PTPRJ: variants seen among roughly 807,000 people sequenced by gnomAD.
The protein encoded by PTPRJ is protein tyrosine phosphatase receptor type J, also known as receptor-type tyrosine-protein phosphatase eta.
Under a neutral mutation model 141.3 loss-of-function variants are expected in PTPRJ, and 129 were observed. The ratio of observed to expected loss-of-function variants is 0.91; its 90% CI spans 0.79 to 1.06. The LOEUF (loss-of-function observed/expected upper bound fraction) is 1.06, where lower values mean the gene tolerates loss of function less well. PTPRJ is among the 50% of genes least tolerant of loss of function. The pLI is 0.00. For missense variants in PTPRJ, 1,601 were observed against 1,679.7 expected, an observed-to-expected ratio of 0.95 and a Z score of 0.82; for synonymous variants, 610 against 640.5, an observed-to-expected ratio of 0.95 and a Z score of 0.72.
intron 15 of PTPRJ, among the ~76,000 whole-genome samples, chr11:48,147,212 T>C (rs138451880): frequency 3.5e-4 from 53 of 152,322 alleles, no homozygotes; most frequent in African/African-American, 1.1e-3. Flanking sequence ...TCAAATGATA[T>C]GTTCTTGTTT....
chr11:48,090,508 A>G (rs552855670), intron 1 of PTPRJ, among the ~76,000 whole-genome samples: 1 of 152,334 alleles, frequency 6.6e-6, no homozygotes, highest in South Asian at 2.1e-4. Flanking sequence ...CTTCAGAGAC[A>G]GATCCGTGCA....
chr11:48,045,555 C>T (rs528322876), intron 1 of PTPRJ, among the ~76,000 whole-genome samples: 1 of 152,210 alleles, frequency 6.6e-6, no homozygotes, highest in East Asian at 1.9e-4. Context: ...GCTTGTCTTT[C>T]CAGAGTTTGG....
At position 48,022,904 on chromosome 11, in the gene PTPRJ, G is replaced by A. The variant is rs1455265527; in HGVS notation, c.96+41896G>A. On this transcript the variant is annotated intron_variant, in intron 1 of 24. Transcript: ENST00000418331. ...GCAGGAGGAAGTAGGTGAGCTGAGG[G>A]GAAGCTGGTGGGGATAGGCCTGGTG... 6.6e-5 allele frequency among the ~76,000 whole-genome samples: 10 copies of A among 152,242 alleles called. No individual in the cohort carries two copies. The East Asian group carries it at 1.7e-3, about 26-fold the overall frequency.
chr11:48,133,562 A>G (rs929182382), intron 8 of PTPRJ, among the ~76,000 whole-genome samples: 1 of 152,178 alleles, frequency 6.6e-6, no homozygotes, highest in African/African-American at 2.4e-5. Flanking sequence ...AGCAATTTCA[A>G]AAAAAGGAAA....
chr11:48,135,129 A>G (rs1196316868), intron 8 of PTPRJ, among the ~76,000 whole-genome samples: 1 of 152,144 alleles, frequency 6.6e-6, no homozygotes, highest in East Asian at 1.9e-4. Context: ...CCATATAAAA[A>G]AACTGAATGT....
In PTPRJ at chr11:48,130,509, A is replaced by G. The variant is rs766063014; in HGVS notation, c.1408A>G (p.Ile470Val). The change falls in exon 8 of 25, where the codon ATC becomes GTC. Residue 470 changes from isoleucine (I) to valine (V), a missense_variant. Transcript: ENST00000418331. ...FRVTVVSTTE[I>V]GLAWSSHDAE... ...AGTGACAGTGGTCAGCACGACGGAG[A>G]TCGGCTTAGCATGGAGCAGCCATGA... 5.0e-6 allele frequency: 8 copies of G among 1,613,808 alleles called. No individual in the cohort carries two copies. The highest frequency in any genetic ancestry group is 4.4e-5 in the South Asian group (4 of 91,060).
Position 48,149,591 on chromosome 11 carries a change from G to A in PTPRJ, c.3041+103G>A, listed in dbSNP as rs192895843. The A allele has an allele frequency of 5.8e-4, 474 of 813,288 alleles. 2 individuals carry two copies. The African/African-American group carries it at 7.3e-3, about 12-fold the overall frequency. The allele number at this position is 813,288 out of a possible 1,614,324, so 50.4% of individuals were successfully genotyped here. A position where few individuals can be genotyped will look rare whatever the true frequency, so the allele number is the denominator to read the frequency against. ...AACTTGCTGTCATTTTTCCTGATTG[G>A]CACATTTTGACCATGACCATCTGGA... is the stretch of plus-strand genomic sequence containing the variant. On this transcript the variant is annotated intron_variant, in intron 16 of 24. Transcript: ENST00000418331.
At chr11:48,136,514 T>C (rs1280155688) in intron 9 of PTPRJ, among the ~76,000 whole-genome samples, 1 of 152,218 alleles carries the variant, frequency 6.6e-6, no homozygotes, top group East Asian at 1.9e-4. Context: ...GAAGAAATGA[T>C]TCCTTGGGAA....
chr11:48,058,863 C>T (rs752021602), intron 1 of PTPRJ, among the ~76,000 whole-genome samples: 7 of 152,178 alleles, frequency 4.6e-5, no homozygotes, highest in Non-Finnish European at 1.0e-4. Context: ...ACGATCTGCC[C>T]CCGGCAGCTC....
intron 1 of PTPRJ, among the ~76,000 whole-genome samples, chr11:48,101,093 G>GT (rs1856138381): frequency 1.3e-5 from 2 of 152,152 alleles, no homozygotes; most frequent in Non-Finnish European, 2.9e-5. Context: ...ACGGTGCCAG[G>GT]TGACTCCCCC....
intron 1 of PTPRJ, among the ~76,000 whole-genome samples, chr11:48,009,094 A>T (rs1854705376): frequency 6.6e-6 from 1 of 152,190 alleles, no homozygotes; most frequent in Non-Finnish European, 1.5e-5. Flanking sequence ...ACACAATGGG[A>T]TGAACCGTGT....
At chr11:48,037,578 G>A (rs891016583) in intron 1 of PTPRJ, among the ~76,000 whole-genome samples, 4 of 152,188 alleles carry the variant, frequency 2.6e-5, no homozygotes, top group African/African-American at 4.8e-5. Context: ...TTGGGAGGCC[G>A]AGGTGGGCGG....
chr11:47,997,151 T>C (rs994571785), intron 1 of PTPRJ, among the ~76,000 whole-genome samples: 2 of 152,222 alleles, frequency 1.3e-5, no homozygotes, highest in Non-Finnish European at 1.5e-5. Context: ...TAGGATGTCC[T>C]GCAGCCTCCC....
chr11:48,139,500 G>C lies in PTPRJ; in HGVS notation c.2167G>C (p.Ala723Pro), dbSNP rs1857183468. Reference sequence around the variant, plus strand: ...TTGCTTTGCAGATCCTGCGTCCATGGCCTCCTTCGACTGCGAAGTGGTCCC... The same window carrying C: ...TTGCTTTGCAGATCCTGCGTCCATGCCCTCCTTCGACTGCGAAGTGGTCCC... ...KSFCTDPASM[A>P]SFDCEVVPKE... is the part of the protein sequence containing the mutation. Residue 723 changes from alanine (A) to proline (P), a missense_variant, in exon 11 of 25, where the codon GCC becomes CCC. Transcript: ENST00000418331. 1 of 1,613,764 alleles carries C rather than the reference G, an allele frequency of 6.2e-7. No individual in the cohort carries two copies. The highest frequency in any genetic ancestry group is 1.3e-5 in the African/African-American group (1 of 75,034).
At chr11:48,078,892 A>G (rs186226349) in intron 1 of PTPRJ, among the ~76,000 whole-genome samples, 1 of 144,508 alleles carries the variant, frequency 6.9e-6, no homozygotes, top group East Asian at 2.1e-4. Flanking sequence ...AGCCCTGAGT[A>G]GTTGCTGCAG....
rs1857681977 is a variant in PTPRJ, at chr11:48,158,999, A to G, written c.3439-931A>G. The stretch of plus-strand genomic sequence containing the variant: ...GAAAACAAAACCCAAAACAACTCAA[A>G]CTTCTCAGGTGAGTCAGATAATCAA... On this transcript the variant is annotated intron_variant, in intron 21 of 24. Transcript: ENST00000418331. The surrounding 1 kb of genome is among the most constrained non-coding windows in gnomAD (Gnocchi z 4.4). Among the ~76,000 whole-genome samples the G allele has an allele frequency of 6.6e-6, 1 of 151,884 alleles. No individual in the cohort carries two copies. The highest frequency in any genetic ancestry group is 1.5e-5 in the Non-Finnish European group (1 of 67,988).
chr11:48,135,792 TAAGAC>T (rs1857087725), intron 8 of PTPRJ, among the ~76,000 whole-genome samples: 1 of 152,222 alleles, frequency 6.6e-6, no homozygotes. Flanking sequence ...GGCTCATTTT[TAAGAC>T]AACAACAAAA....
chr11:48,070,784 A>G (rs188770691), intron 1 of PTPRJ, among the ~76,000 whole-genome samples: 1 of 152,298 alleles, frequency 6.6e-6, no homozygotes, highest in East Asian at 1.9e-4. Context: ...TTTTTGTTCT[A>G]TGTATTATTC....
At chr11:48,006,101 C>T (rs1294540046) in intron 1 of PTPRJ, among the ~76,000 whole-genome samples, 1 of 152,186 alleles carries the variant, frequency 6.6e-6, no homozygotes, top group East Asian at 1.9e-4. Context: ...TGTTTCAGAG[C>T]AGCACCCACA....
Sources: gnomAD v4.1 joint callset for allele counts (sites outside exome capture counted in the v4.1 genomes callset) on GRCh38, gnomAD v4.1.1 for gene constraint, Gnocchi (gnomAD v3.1) non-coding constraint, MANE v1.5 for transcripts, NCBI Gene and HGNC (gene_info 2026-07-23, HGNC 2026-07-21) for gene names.